MAN1A2: variants seen among roughly 807,000 people sequenced by gnomAD.
MAN1A2 encodes mannosidase alpha class 1A member 2.
A neutral mutation model predicts 75.7 loss-of-function variants in MAN1A2; 26 were observed. The ratio of observed to expected loss-of-function variants is 0.34; its 90% CI spans 0.25 to 0.48. MAN1A2 has a LOEUF of 0.48. MAN1A2 is among the 20% of genes least tolerant of loss of function. The pLI is 0.99. For synonymous variants in MAN1A2, 247 were observed against 264.6 expected, an observed-to-expected ratio of 0.93 and a Z score of 0.65; for missense variants, 562 against 775.5, an observed-to-expected ratio of 0.72 and a Z score of 3.27.
At chr1:117,416,398 C>T (rs944189867) in intron 4 of MAN1A2, among the ~76,000 whole-genome samples, 1 of 152,046 alleles carries the variant, frequency 6.6e-6, no homozygotes, top group African/African-American at 2.4e-5. Flanking sequence ...TTTGTTCTTT[C>T]AAGTTCTGGA....
intron 3 of MAN1A2, among the ~76,000 whole-genome samples, chr1:117,412,584 T>C (rs1167063688): frequency 6.6e-6 from 1 of 151,846 alleles, no homozygotes; most frequent in African/African-American, 2.4e-5. Context: ...TATTAACTAG[T>C]ATAAATATTT....
At chr1:117,464,146 G>A (rs1185050301) in intron 7 of MAN1A2, among the ~76,000 whole-genome samples, 1 of 151,506 alleles carries the variant, frequency 6.6e-6, no homozygotes, top group Non-Finnish European at 1.5e-5. Flanking sequence ...TGGGTGGATC[G>A]CTTGAGCTCA....
intron 9 of MAN1A2, 37 bp downstream of exon 9, chr1:117,493,299 T>A (rs1161716594): frequency 4.6e-6 from 6 of 1,304,188 alleles, no homozygotes; most frequent in Non-Finnish European, 6.7e-6. Context: ...CTTAATGGAT[T>A]GAATGTACAG....
chr1:117,426,296 T>C (rs1370679934), intron 5 of MAN1A2, among the ~76,000 whole-genome samples: 2 of 152,088 alleles, frequency 1.3e-5, no homozygotes. Flanking sequence ...TTTTACTTTG[T>C]GTGTGTATGT....
chr1:117,407,984 G>T (rs1352647275), intron 3 of MAN1A2, among the ~76,000 whole-genome samples: 1 of 152,100 alleles, frequency 6.6e-6, no homozygotes, highest in East Asian at 1.9e-4. Context: ...GCCCATTGTT[G>T]AACCAAATGC....
chr1:117,519,745 G>A lies in MAN1A2; in HGVS notation c.1794-3080G>A, dbSNP rs142296022. ...ACGGATTCACAGCAGAATTCTATCA[G>A]ACATTCTAAGAAGAATTGGTACCAA... is the stretch of plus-strand genomic sequence containing the variant. On this transcript the variant is annotated intron_variant, in intron 12 of 12. Transcript: ENST00000356554. Among the ~76,000 whole-genome samples, 1,182 of 152,054 alleles carry A rather than the reference G, an allele frequency of 7.8e-3. 7 individuals carry two copies. The highest frequency in any genetic ancestry group is 0.027 in the African/African-American group (1,126 of 41,506).
At chr1:117,511,175 A>C (rs1186230906) in intron 12 of MAN1A2, among the ~76,000 whole-genome samples, 4 of 152,028 alleles carry the variant, frequency 2.6e-5, no homozygotes, top group Non-Finnish European at 5.9e-5. Flanking sequence ...ATCTCATGAG[A>C]ACTCACTCAT....
intron 3 of MAN1A2, among the ~76,000 whole-genome samples, chr1:117,413,966 T>A (rs897738943): frequency 2.0e-5 from 3 of 152,026 alleles, no homozygotes; most frequent in African/African-American, 7.2e-5. Flanking sequence ...TCTTAAGTTT[T>A]CATTATCTAG....
chr1:117,485,710 A>G (rs1216935716), intron 8 of MAN1A2, among the ~76,000 whole-genome samples: 2 of 152,056 alleles, frequency 1.3e-5, no homozygotes, highest in African/African-American at 4.8e-5. Context: ...ATTTACCACT[A>G]GAATAACTAT....
In MAN1A2 at chr1:117,523,376, A is replaced by C; in HGVS notation, c.*419A>C. 2.5e-6 allele frequency: 1 copy of C among 404,252 alleles called. No individual in the cohort carries two copies. Among genetic ancestry groups the C allele is most frequent in the South Asian group, 1.9e-5 (1 of 53,342 alleles). 25.0% of individuals were successfully genotyped at this position (404,252 alleles called of 1,614,324 possible). ...TCCTCCTACAGTGGAGCAGCATTCA[A>C]ATCAAATATTTACATATTGCTTATC... On this transcript the variant is annotated 3_prime_UTR_variant, in exon 13 of 13. Coordinates refer to ENST00000356554, the MANE Select transcript of MAN1A2 (RefSeq NM_006699.5).
chr1:117,407,893 T>A (rs1647665563), intron 3 of MAN1A2, among the ~76,000 whole-genome samples: 1 of 152,168 alleles, frequency 6.6e-6, no homozygotes, highest in Non-Finnish European at 1.5e-5. Context: ...AAGAGAACAT[T>A]GTAGAGAAGA....
intron 9 of MAN1A2, among the ~76,000 whole-genome samples, chr1:117,495,595 T>C (rs1206632890): frequency 1.3e-5 from 2 of 151,910 alleles, no homozygotes; most frequent in Admixed American, 1.3e-4. Flanking sequence ...TGACTGCCTT[T>C]TACTTTAGTT....
chr1:117,439,556 T>C (rs1362675019), intron 5 of MAN1A2, among the ~76,000 whole-genome samples: 1 of 151,882 alleles, frequency 6.6e-6, no homozygotes, highest in Non-Finnish European at 1.5e-5. Context: ...TGCAGTGGCG[T>C]GATCTCGGTT....
chr1:117,460,076 A>C (rs1463871156), intron 6 of MAN1A2, among the ~76,000 whole-genome samples: 1 of 152,152 alleles, frequency 6.6e-6, no homozygotes, highest in African/African-American at 2.4e-5. Flanking sequence ...AAAAAAAAAA[A>C]AAAAACTGAG....
At chr1:117,456,092 A>G (rs1184649312) in intron 6 of MAN1A2, among the ~76,000 whole-genome samples, 1 of 152,040 alleles carries the variant, frequency 6.6e-6, no homozygotes, top group Non-Finnish European at 1.5e-5. Context: ...CAGCAATTCA[A>G]CCTTTGTTAA....
intron 12 of MAN1A2, among the ~76,000 whole-genome samples, chr1:117,517,053 C>G (rs1651733832): frequency 6.6e-6 from 1 of 152,082 alleles, no homozygotes; most frequent in Admixed American, 6.6e-5. Context: ...AATTCATATT[C>G]AAGTGGCACT....
At chr1:117,435,481 T>A (rs540020693) in intron 5 of MAN1A2, among the ~76,000 whole-genome samples, 1 of 152,172 alleles carries the variant, frequency 6.6e-6, no homozygotes, top group Non-Finnish European at 1.5e-5. Context: ...GCAGAAGCCA[T>A]GTTGGAATAG....
chr1:117,397,237 A>G (rs1000765959), intron 1 of MAN1A2, among the ~76,000 whole-genome samples: 1 of 152,142 alleles, frequency 6.6e-6, no homozygotes, highest in African/African-American at 2.4e-5. Context: ...AAATAAATCT[A>G]TAGATTATTT....
At chr1:117,521,137 A>G (rs2101034894) in intron 12 of MAN1A2, among the ~76,000 whole-genome samples, 1 of 152,154 alleles carries the variant, frequency 6.6e-6, no homozygotes, top group African/African-American at 2.4e-5. Context: ...CTGGATCCTC[A>G]TCTTTCATCT....
Sources: gnomAD v4.1 joint callset for allele counts (sites outside exome capture counted in the v4.1 genomes callset) on GRCh38, gnomAD v4.1.1 for gene constraint, MANE v1.5 for transcripts, NCBI Gene and HGNC (gene_info 2026-07-23, HGNC 2026-07-21) for gene names.